TTC6: variants seen among roughly 807,000 people sequenced by gnomAD.
TTC6 encodes the protein tetratricopeptide repeat protein 6.
TTC6 carries 172 observed loss-of-function variants against 210.4 expected under a neutral mutation model. The ratio of observed to expected loss-of-function variants is 0.82; its 90% confidence interval spans 0.72 to 0.93. The LOEUF is 0.93. TTC6 is among the 40% of genes least tolerant of loss of function. TTC6 has a pLI of 0.00. For missense variants in TTC6, 2,414 were observed against 2,318.1 expected, an observed-to-expected ratio of 1.04 and a Z score of -0.85; for synonymous variants, 804 against 819.6, an observed-to-expected ratio of 0.98 and a Z score of 0.32.
At position 37,792,433 on chromosome 14, in the gene TTC6, C is replaced by T. The variant is rs2139341272; in HGVS notation, c.3708+19C>T. 1.4e-6 allele frequency: 2 copies of T among 1,443,596 alleles called. No homozygotes were observed. Among genetic ancestry groups the T allele is most frequent in the Admixed American group, 3.1e-5 (1 of 32,256 alleles). 89.4% of individuals were successfully genotyped at this position (1,443,596 alleles called of 1,614,324 possible). A position where few individuals can be genotyped will look rare whatever the true frequency, so the allele number is the denominator to read the frequency against. Reference sequence around the variant, plus strand: ...TTTTAAGGTATTTAAGGCTCGAGAACCTTGATTTTTTTAAAAAAACTTTAA... The same window carrying T: ...TTTTAAGGTATTTAAGGCTCGAGAATCTTGATTTTTTTAAAAAAACTTTAA... On this transcript the variant is annotated intron_variant, in intron 17 of 30. Coordinates refer to ENST00000553443, the Ensembl canonical transcript of TTC6.
chr14:37,660,251 G>T (rs985549697), intron 1 of TTC6, among the ~76,000 whole-genome samples: 1 of 151,814 alleles, frequency 6.6e-6, no homozygotes, highest in Non-Finnish European at 1.5e-5. Context: ...TTAGTTCTGG[G>T]ATACGTGTGC....
chr14:37,673,354 C>A (rs777288108), intron 1 of TTC6, among the ~76,000 whole-genome samples: 2 of 152,140 alleles, frequency 1.3e-5, no homozygotes, highest in Non-Finnish European at 2.9e-5. Context: ...TTGTTTAGGG[C>A]CATACAATGC....
At chr14:37,771,758 T>G (rs138273834) in intron 14 of TTC6, among the ~76,000 whole-genome samples, 1 of 152,174 alleles carries the variant, frequency 6.6e-6, no homozygotes, top group African/African-American at 2.4e-5. Context: ...AATGTCCTCC[T>G]GTGGCTCAGA....
Position 37,662,278 on chromosome 14 carries a change from G to T in TTC6, c.940-17873G>T, listed in dbSNP as rs143945104. 2.6e-3 allele frequency among the ~76,000 whole-genome samples: 393 copies of T among 152,228 alleles called. 3 individuals are homozygous for T. The highest frequency in any genetic ancestry group is 8.8e-3 in the African/African-American group (367 of 41,536). On this transcript the variant is annotated intron_variant, in intron 1 of 30. Transcript: ENST00000553443. ...AGCTTTGCCCATTCAGTATGATATT[G>T]GCTGTGGGTTTATCATAAATGGCTT...
In TTC6 at chr14:37,739,102, A is replaced by AAAACTTAT; in HGVS notation, c.2312_2319dup (p.Phe774AsnfsTer51). On this transcript the variant is annotated frameshift_variant, in exon 10 of 31. Transcript: ENST00000553443. LOFTEE classifies it high-confidence loss of function. Reference sequence around the variant, plus strand: ...GATGGAAGAAAAGATTGAAACAACAAAAACTTATATTCGTGCATGAAGAGT... The same window carrying AAAACTTAT: ...GATGGAAGAAAAGATTGAAACAACAAAAACTTATAAACTTATATTCGTGCATGAAGAGT... 14 of 1,528,906 alleles carry AAAACTTAT rather than the reference A, an allele frequency of 9.2e-6. No individual in the cohort carries two copies. The highest frequency in any genetic ancestry group is 1.2e-5 in the Non-Finnish European group (14 of 1,145,256). 94.7% of individuals were successfully genotyped at this position (1,528,906 alleles called of 1,614,324 possible).
At chr14:37,841,562 G>C (rs1198412825) in exon 30 of TTC6, 1 of 1,607,704 alleles carries the variant, frequency 6.2e-7, no homozygotes, top group Non-Finnish European at 8.5e-7. Context: ...AGAAGATTTT[G>C]CAAATGTAAT....
chr14:37,762,891 T>G (rs1233059186), intron 14 of TTC6, among the ~76,000 whole-genome samples: 1 of 148,686 alleles, frequency 6.7e-6, no homozygotes, highest in Admixed American at 6.7e-5. Flanking sequence ...TCTTTTTTTT[T>G]TTTTTTTGAG....
At chr14:37,676,460 A>G (rs149249166) in intron 1 of TTC6, among the ~76,000 whole-genome samples, 1 of 152,194 alleles carries the variant, frequency 6.6e-6, no homozygotes, top group Non-Finnish European at 1.5e-5. Flanking sequence ...TATTCCTAAT[A>G]CTAGACCCTT....
Position 37,816,052 on chromosome 14 carries a change from C to CA in TTC6, c.4690-1510dup, listed in dbSNP as rs71127247. Among the ~76,000 whole-genome samples the CA allele has an allele frequency of 2.1e-3, 297 of 142,206 alleles. 1 individual carries two copies. The highest frequency in any genetic ancestry group is 0.019 in the East Asian group (86 of 4,492). The allele number at this position is 142,206 out of a possible 152,430, so 93.3% of individuals were successfully genotyped here. A position where few individuals can be genotyped will look rare whatever the true frequency, so the allele number is the denominator to read the frequency against. ...ACTTGTAAGTTTGCCTTAATTTTAGCAAAAAAAAAAAAAAAATCCTCCTAG... is the reference window on the plus strand; with the variant it reads ...ACTTGTAAGTTTGCCTTAATTTTAGCAAAAAAAAAAAAAAAAATCCTCCTAG... On this transcript the variant is annotated intron_variant, in intron 25 of 30. Coordinates refer to ENST00000553443, the Ensembl canonical transcript of TTC6.
At chr14:37,670,847 A>C (rs2095756930) in intron 1 of TTC6, among the ~76,000 whole-genome samples, 1 of 152,178 alleles carries the variant, frequency 6.6e-6, no homozygotes, top group Admixed American at 6.5e-5. Context: ...ATGCAATAAT[A>C]GGTAATAATG....
chr14:37,806,610 T>C (rs2096119092), intron 22 of TTC6, 100 bp downstream of exon 24: 14 of 1,146,020 alleles, frequency 1.2e-5, no homozygotes, highest in Non-Finnish European at 1.4e-5. Context: ...ACAATCAGTT[T>C]CTTATACCTA....
chr14:37,651,168 T>G (rs2095710390), intron 1 of TTC6, among the ~76,000 whole-genome samples: 2 of 151,932 alleles, frequency 1.3e-5, no homozygotes, highest in Admixed American at 1.3e-4. Flanking sequence ...TTTCTTTACT[T>G]AGTTGTTACA....
chr14:37,805,569 A>T (rs982816705), intron 21 of TTC6, among the ~76,000 whole-genome samples: 1 of 152,226 alleles, frequency 6.6e-6, no homozygotes, highest in African/African-American at 2.4e-5. Context: ...AAGAAATGCC[A>T]GTAAATATGA....
intron 7 of TTC6, among the ~76,000 whole-genome samples, chr14:37,729,158 A>G (rs957349681): frequency 6.6e-6 from 1 of 152,202 alleles, no homozygotes; most frequent in African/African-American, 2.4e-5. Flanking sequence ...TTCAAATCTT[A>G]GAAGATTATA....
chr14:37,676,986 G>A (rs1326882558), intron 1 of TTC6, among the ~76,000 whole-genome samples: 1 of 151,996 alleles, frequency 6.6e-6, no homozygotes, highest in Non-Finnish European at 1.5e-5. Flanking sequence ...TTTGAAATAG[G>A]GAAGTGTGAG....
intron 14 of TTC6, among the ~76,000 whole-genome samples, chr14:37,756,391 T>C (rs759792418): frequency 6.6e-6 from 1 of 152,200 alleles, no homozygotes; most frequent in Non-Finnish European, 1.5e-5. Context: ...CTATGTTGAA[T>C]AGGAGTGGTG....
At chr14:37,789,080 C>T (rs17107096) in intron 15 of TTC6, among the ~76,000 whole-genome samples, 24,956 of 152,058 alleles carry the variant, frequency 0.16, 2,238 homozygotes, top group East Asian at 0.36. Flanking sequence ...TCCTACCAGA[C>T]AGCCCAAGGA....
At chr14:37,608,490 T>A (rs1353428345) in intron 2 of TTC6, among the ~76,000 whole-genome samples, 1 of 152,132 alleles carries the variant, frequency 6.6e-6, no homozygotes, top group Non-Finnish European at 1.5e-5. Context: ...TTTTGCCAGG[T>A]GAGTCAGGGT....
intron 21 of TTC6, among the ~76,000 whole-genome samples, chr14:37,805,750 G>C (rs2096117128): frequency 6.6e-6 from 1 of 152,032 alleles, no homozygotes; most frequent in South Asian, 2.1e-4. Context: ...CGCCAGGGTG[G>C]AGTGCAGTGG....
Sources: gnomAD v4.1 joint callset for allele counts (sites outside exome capture counted in the v4.1 genomes callset) on GRCh38, gnomAD v4.1.1 for gene constraint, MANE v1.5 for transcripts, NCBI Gene and HGNC (gene_info 2026-07-23, HGNC 2026-07-21) for gene names.